Variants in KIAA1143 observed in about 807,000 individuals in gnomAD.
The protein encoded by KIAA1143 is KIAA1143.
KIAA1143 carries 8 observed loss-of-function variants against 17.0 expected under a neutral mutation model. That is an observed-to-expected ratio of 0.47 (90% CI 0.28 to 0.85). The LOEUF is 0.85. Ranked by LOEUF, KIAA1143 falls within the 40% of genes least tolerant of loss-of-function variation. The pLI is 0.12. For synonymous variants in KIAA1143, 64 were observed against 67.8 expected (o/e 0.94, Z 0.27); for missense variants, 162 against 183.3 (o/e 0.88, Z 0.67).
In KIAA1143 at chr3:44,749,892, G is replaced by A. The variant is rs1394715234; in HGVS notation, c.*3449C>T. On this transcript the variant is annotated 3_prime_UTR_variant, in exon 3 of 3. Coordinates refer to ENST00000296121, the MANE Select transcript of KIAA1143 (RefSeq NM_020696.4). ...TGCAGCGTTGAACTCCTGGGCCCAA[G>A]CCATCCTCCTGCTTAGCCTCCTGAG... is the stretch of plus-strand genomic sequence containing the variant. 1 of 152,280 alleles carries A rather than the reference G, an allele frequency of 6.6e-6. No individual in the cohort carries two copies. The highest frequency in any genetic ancestry group is 1.5e-5 in the Non-Finnish European group (1 of 68,098). 9.4% of individuals were successfully genotyped at this position (152,280 alleles called of 1,614,324 possible). A position where few individuals can be genotyped will look rare whatever the true frequency, so the allele number is the denominator to read the frequency against.
chr3:44,761,609 T>G lies in KIAA1143; in HGVS notation c.-7A>C. On this transcript the variant is annotated 5_prime_UTR_variant, in exon 1 of 3. Coordinates refer to ENST00000296121, the MANE Select transcript of KIAA1143 (RefSeq NM_020696.4). ...CCTGGTTCCGCTTGCTCATGGTAGC[T>G]CTGGGTAAAGACAGAAGACAGGTTC... The G allele has an allele frequency of 6.4e-7, 1 of 1,561,408 alleles. No individual in the cohort carries two copies. The highest frequency in any genetic ancestry group is 8.6e-7 in the Non-Finnish European group (1 of 1,161,766).
rs1433382116 is a variant in KIAA1143 at position 44,749,780 on chromosome 3, T to C, written c.*3561A>G. 3 of 152,236 alleles carry C rather than the reference T, an allele frequency of 2.0e-5. No individual in the cohort carries two copies. The highest frequency in any genetic ancestry group is 6.5e-5 in the Admixed American group (1 of 15,284). 9.4% of individuals were successfully genotyped at this position (152,236 alleles called of 1,614,324 possible). ...AAGAGAATATGGGTAATTCTTTTTT[T>C]AAAATTTATTTCTATTTTTTATTTT... is the stretch of plus-strand genomic sequence containing the variant. On this transcript the variant is annotated 3_prime_UTR_variant, in exon 3 of 3. Transcript: ENST00000296121.
rs755623080 is a variant in KIAA1143 at position 44,754,276 on chromosome 3, C to T, written c.201G>A (p.Leu67=). 1 of 1,614,064 alleles carries T rather than the reference C, an allele frequency of 6.2e-7. No homozygotes were observed. Among genetic ancestry groups the T allele is most frequent in the East Asian group, 2.2e-5 (1 of 44,872 alleles). The change falls in exon 2 of 3, where the codon CTG becomes CTA. Residue 67 remains leucine (L), a synonymous_variant. Coordinates refer to ENST00000296121, the MANE Select transcript of KIAA1143 (RefSeq NM_020696.4). ...PQVVVLKKGD[L]SVEEVMKIKA... ...TAATTTTCATGACTTCTTCAACTGA[C>T]AGGTCTCCCTTTTTTAAAACCACCA...
Position 44,752,417 on chromosome 3 carries a change from C to T in KIAA1143, c.*924G>A, listed in dbSNP as rs1336143389. 2 of 152,080 alleles carry T rather than the reference C, an allele frequency of 1.3e-5. No individual in the cohort carries two copies. The highest frequency in any genetic ancestry group is 1.5e-5 in the Non-Finnish European group (1 of 68,014). The allele number at this position is 152,080 out of a possible 1,614,324, so 9.4% of individuals were successfully genotyped here. A position where few individuals can be genotyped will look rare whatever the true frequency, so the allele number is the denominator to read the frequency against. ...TTGTCCAAAATGCCAAGAACCTGGACACCCTCCACCAGTAACAGTTTGACC... is the reference window on the plus strand; with the variant it reads ...TTGTCCAAAATGCCAAGAACCTGGATACCCTCCACCAGTAACAGTTTGACC... On this transcript the variant is annotated 3_prime_UTR_variant, in exon 3 of 3. Transcript: ENST00000296121.
intron 1 of KIAA1143, among the ~76,000 whole-genome samples, chr3:44,760,297 C>T (rs899183413): frequency 1.3e-5 from 2 of 152,218 alleles, no homozygotes; most frequent in South Asian, 2.1e-4. Flanking sequence ...CTGATCCCTC[C>T]GGCCCTAGAC....
At chr3:44,761,309 C>T (rs1575561983) in intron 1 of KIAA1143, among the ~76,000 whole-genome samples, 186 bp downstream of exon 1, 2 of 152,324 alleles carry the variant, frequency 1.3e-5, no homozygotes, top group South Asian at 4.1e-4. Context: ...AACTACAGAG[C>T]TTCCTGGGCG....
intron 1 of KIAA1143, among the ~76,000 whole-genome samples, chr3:44,756,797 C>G (rs1455835715): frequency 6.6e-6 from 1 of 152,124 alleles, no homozygotes; most frequent in African/African-American, 2.4e-5. Flanking sequence ...ATTCACACAA[C>G]TTTTACTAGA....
rs1704914025 is a variant in KIAA1143, at chr3:44,753,174, T to A, written c.*167A>T. ...CTAGCTAATTTCTATAGAGTTGGCA[T>A]TTTAAGTCAGAGGGGTATTGATGAA... On this transcript the variant is annotated 3_prime_UTR_variant, in exon 3 of 3. Transcript: ENST00000296121. 2.0e-6 allele frequency: 1 copy of A among 505,506 alleles called. No homozygotes were observed. The highest frequency in any genetic ancestry group is 3.5e-6 in the Non-Finnish European group (1 of 288,080). The allele number at this position is 505,506 out of a possible 1,614,324, so 31.3% of individuals were successfully genotyped here. A position where few individuals can be genotyped will look rare whatever the true frequency, so the allele number is the denominator to read the frequency against.
In KIAA1143 at chr3:44,750,423, A is replaced by C. The variant is rs960236510; in HGVS notation, c.*2918T>G. On this transcript the variant is annotated 3_prime_UTR_variant, in exon 3 of 3. Transcript: ENST00000296121. The stretch of plus-strand genomic sequence containing the variant: ...ATTGTATGAGAGTTCTAAAATTCTG[A>C]TATGTCTTAATATATGTTGTAATGA... 3 of 150,696 alleles carry C rather than the reference A, an allele frequency of 2.0e-5. No homozygotes were observed. The highest frequency in any genetic ancestry group is 7.3e-5 in the African/African-American group (3 of 40,904). The allele number at this position is 150,696 out of a possible 1,614,324, so 9.3% of individuals were successfully genotyped here.
At position 44,761,411 on chromosome 3, in the gene KIAA1143, A is replaced by AGTT. The variant is rs1223410962; in HGVS notation, c.108+83_108+84insAAC. Reference sequence around the variant, plus strand: ...GCGCGGGTGAAAAGAGGGACCCGACAGCACCCACCCTCCAAGTAGAGGCAA... The same window carrying AGTT: ...GCGCGGGTGAAAAGAGGGACCCGACAGTTGCACCCACCCTCCAAGTAGAGGCAA... On this transcript the variant is annotated intron_variant, in intron 1 of 2. Coordinates refer to ENST00000296121, the MANE Select transcript of KIAA1143 (RefSeq NM_020696.4). 4.6e-5 allele frequency: 48 copies of AGTT among 1,047,274 alleles called. No individual in the cohort carries two copies. In the African/African-American group the frequency reaches 6.8e-4, roughly 15 times the overall value. The allele number at this position is 1,047,274 out of a possible 1,614,324, so 64.9% of individuals were successfully genotyped here.
In KIAA1143 at chr3:44,752,733, T is replaced by A. The variant is rs571859550; in HGVS notation, c.*608A>T. On this transcript the variant is annotated 3_prime_UTR_variant, in exon 3 of 3. Transcript: ENST00000296121. ...ATGAAAAGATAAGAGCAAAGGCTCA[T>A]GTTTGCCAAGTCTGTCCTTTTGTAA... 1 of 152,490 alleles carries A rather than the reference T, an allele frequency of 6.6e-6. No individual in the cohort carries two copies. The highest frequency in any genetic ancestry group is 1.9e-4 in the East Asian group (1 of 5,178). 9.4% of individuals were successfully genotyped at this position (152,490 alleles called of 1,614,324 possible).
Position 44,749,498 on chromosome 3 carries a change from C to T in KIAA1143, c.*3843G>A, listed in dbSNP as rs867662541. ...TGTGGCTGGTAAGGATCTTAACAAG[C>T]CCCCAGTTTGGGCTGACTTTTACTA... On this transcript the variant is annotated 3_prime_UTR_variant, in exon 3 of 3. Coordinates refer to ENST00000296121, the MANE Select transcript of KIAA1143 (RefSeq NM_020696.4). 3 of 152,244 alleles carry T rather than the reference C, an allele frequency of 2.0e-5. No homozygotes were observed. In the Middle Eastern group the frequency reaches 0.01, roughly 518 times the overall value. The allele number at this position is 152,244 out of a possible 1,614,324, so 9.4% of individuals were successfully genotyped here. A position where few individuals can be genotyped will look rare whatever the true frequency, so the allele number is the denominator to read the frequency against.
chr3:44,753,645 T>A, intron 2 of KIAA1143, 93 bp from the exon 3 acceptor site: 1 of 1,221,030 alleles, frequency 8.2e-7, no homozygotes, highest in Non-Finnish European at 1.1e-6. Context: ...ATATTGTATT[T>A]AAGGATATCC....
At chr3:44,754,905 A>G (rs1704946640) in intron 1 of KIAA1143, among the ~76,000 whole-genome samples, 1 of 152,210 alleles carries the variant, frequency 6.6e-6, no homozygotes, top group Non-Finnish European at 1.5e-5. Context: ...CTTTTTGTAT[A>G]CCAACAACAC....
Position 44,754,131 on chromosome 3 carries a change from C to T in KIAA1143, c.253+93G>A, listed in dbSNP as rs572191052. 7 of 1,357,578 alleles carry T rather than the reference C, an allele frequency of 5.2e-6. No individual in the cohort carries two copies. The East Asian group carries it at 1.1e-4, about 22-fold the overall frequency. The allele number at this position is 1,357,578 out of a possible 1,614,324, so 84.1% of individuals were successfully genotyped here. ...CTAAGGCTTGAACCCGGAACTGCCACCTTGAAACACACCACACTACTAAAT... is the reference window on the plus strand; with the variant it reads ...CTAAGGCTTGAACCCGGAACTGCCATCTTGAAACACACCACACTACTAAAT... On this transcript the variant is annotated intron_variant, in intron 2 of 2. Coordinates refer to ENST00000296121, the MANE Select transcript of KIAA1143 (RefSeq NM_020696.4).
At chr3:44,759,289 C>T (rs1056864249) in intron 1 of KIAA1143, among the ~76,000 whole-genome samples, 2 of 151,690 alleles carry the variant, frequency 1.3e-5, no homozygotes, top group Non-Finnish European at 2.9e-5. Flanking sequence ...CATCAGAGTT[C>T]TTGGGTGACC....
rs1705123278 is a variant in KIAA1143, at chr3:44,761,532, CG to C, written c.70del (p.Arg24GlyfsTer10). On this transcript the variant is annotated frameshift_variant, in exon 1 of 3. Transcript: ENST00000296121. LOFTEE classifies it high-confidence loss of function. ...GGTGGGTCCCTCCCTGTAGCCGACC[CG>C]TTCCTTGAAGCGGGCCAGAAACGCC... Reference protein sequence around the residue: ...EPAFLARFKERVGYREGPTVE... With the variant: ...EPAFLARFKEXVGYREGPTVE... 2 of 1,614,066 alleles carry C rather than the reference CG, an allele frequency of 1.2e-6. No individual in the cohort carries two copies. The highest frequency in any genetic ancestry group is 2.7e-5 in the African/African-American group (2 of 74,938).
chr3:44,759,894 C>CAAAAAATAAAA (rs1705039977), intron 1 of KIAA1143, among the ~76,000 whole-genome samples: 1 of 51,102 alleles, frequency 2.0e-5, no homozygotes, highest in African/African-American at 7.0e-5. Flanking sequence ...GACCCTATCT[C>CAAAAAATAAAA]AAAAAAAAAA....
intron 1 of KIAA1143, 135 bp downstream of exon 1, chr3:44,761,360 C>T: frequency 1.5e-6 from 1 of 649,654 alleles, no homozygotes; most frequent in Non-Finnish European, 2.7e-6. Context: ...GCCTGGGGGT[C>T]CGAGTTCCAC....
Sources: allele counts gnomAD v4.1 joint callset (sites outside exome capture counted in the v4.1 genomes callset), GRCh38; gene constraint gnomAD v4.1.1; transcripts MANE v1.5; gene names NCBI Gene and HGNC (gene_info 2026-07-23, HGNC 2026-07-21).